Variants in CCSER1 observed in about 807,000 individuals in gnomAD.
CCSER1 encodes coiled-coil serine rich protein 1, also known as serine-rich coiled-coil domain-containing protein 1.
In CCSER1, 41 loss-of-function variants were observed where a neutral mutation model predicts 82.0. That is an observed-to-expected ratio of 0.50 (90% confidence interval 0.39 to 0.65). The LOEUF (loss-of-function observed/expected upper bound fraction) is 0.65. Among genes scored for constraint, CCSER1 ranks in the 30% least tolerant of loss-of-function variants. CCSER1 has a pLI of 0.00. For synonymous variants in CCSER1, 414 were observed against 383.9 expected (o/e 1.08, Z -0.92); for missense variants, 1,119 against 1,064.2 (o/e 1.05, Z -0.72).
chr4:90,796,989 A>T (rs1227251322), intron 7 of CCSER1, among the ~76,000 whole-genome samples: 2 of 152,094 alleles, frequency 1.3e-5, no homozygotes, highest in Non-Finnish European at 2.9e-5. Context: ...AGTTCTGTAG[A>T]TGTCTATTAG....
intron 9 of CCSER1, among the ~76,000 whole-genome samples, chr4:90,995,350 T>C (rs2150459034): frequency 6.6e-6 from 1 of 152,258 alleles, no homozygotes; most frequent in African/African-American, 2.4e-5. Flanking sequence ...CCAGAAGAAT[T>C]CACAGTAAAT....
intron 10 of CCSER1, among the ~76,000 whole-genome samples, chr4:91,272,282 G>T (rs1742096030): frequency 6.6e-6 from 1 of 152,012 alleles, no homozygotes; most frequent in Admixed American, 6.6e-5. Context: ...TTGATTTTTT[G>T]ATTATGGCCA....
chr4:91,126,328 C>G (rs1419283009), intron 10 of CCSER1, among the ~76,000 whole-genome samples: 1 of 151,826 alleles, frequency 6.6e-6, no homozygotes, highest in Non-Finnish European at 1.5e-5. Flanking sequence ...ACAAACAAGG[C>G]AAACTTAATG....
rs1310347615 is a variant in CCSER1, at chr4:91,580,498, G to T, written c.2218-18074G>T. Among the ~76,000 whole-genome samples, 3 of 151,822 alleles carry T rather than the reference G, an allele frequency of 2.0e-5. 1 individual carries two copies. Among genetic ancestry groups the T allele is most frequent in the Middle Eastern group, 6.8e-3 (2 of 294 alleles). On this transcript the variant is annotated intron_variant, in intron 10 of 10. Transcript: ENST00000509176. ...TTGGAGTGTGATGAGAGATGATATG[G>T]TTAGAAAATTGACCTGTAATATACC...
At chr4:90,274,412 G>C (rs144366711) in intron 1 of CCSER1, among the ~76,000 whole-genome samples, 1 of 151,920 alleles carries the variant, frequency 6.6e-6, no homozygotes, top group Non-Finnish European at 1.5e-5. Context: ...TTATCACTTT[G>C]TCATTTTGTT....
At chr4:91,230,926 A>C (rs958925700) in intron 10 of CCSER1, among the ~76,000 whole-genome samples, 1 of 151,886 alleles carries the variant, frequency 6.6e-6, no homozygotes, top group Admixed American at 6.6e-5. Flanking sequence ...GCAGAAATTC[A>C]AAAGAATTTT....
intron 10 of CCSER1, among the ~76,000 whole-genome samples, chr4:91,414,818 A>G (rs1318265604): frequency 1.3e-5 from 2 of 152,160 alleles, no homozygotes; most frequent in Non-Finnish European, 2.9e-5. Flanking sequence ...AGAAACAAAG[A>G]AGGTCATTAT....
In CCSER1 at chr4:91,604,794, G is replaced by A. The variant is rs966028281; in HGVS notation, c.*5737G>A. ...TCAGAAGGAATTGAAGTGAAATGAG[G>A]AATACAAATTTACTTGTCCTAAATT... is the stretch of plus-strand genomic sequence containing the variant. On this transcript the variant is annotated 3_prime_UTR_variant, in exon 11 of 11. Transcript: ENST00000509176. 6.6e-6 allele frequency: 1 copy of A among 151,734 alleles called. No individual in the cohort carries two copies. Among genetic ancestry groups the A allele is most frequent in the Non-Finnish European group, 1.5e-5 (1 of 67,854 alleles). 9.4% of individuals were successfully genotyped at this position (151,734 alleles called of 1,614,324 possible). A position where few individuals can be genotyped will look rare whatever the true frequency, so the allele number is the denominator to read the frequency against.
At chr4:91,518,633 A>G (rs1760280401) in intron 10 of CCSER1, among the ~76,000 whole-genome samples, 1 of 152,168 alleles carries the variant, frequency 6.6e-6, no homozygotes, top group Admixed American at 6.5e-5. Flanking sequence ...AAGGGCTCAC[A>G]TGGAGGAGAG....
Position 91,343,165 on chromosome 4 carries a change from T to A in CCSER1, c.2218-255407T>A, listed in dbSNP as rs566954138. 4.6e-5 allele frequency among the ~76,000 whole-genome samples: 7 copies of A among 152,156 alleles called. No individual in the cohort carries two copies. The South Asian group carries it at 1.4e-3, about 32-fold the overall frequency. ...ATAATAAAGATTAACAGTTTTTCCT[T>A]TTTGCCCAATTTCTTCTGAAATTTT... On this transcript the variant is annotated intron_variant, in intron 10 of 10. Transcript: ENST00000509176.
At chr4:90,245,338 G>A (rs1270345278) in intron 1 of CCSER1, among the ~76,000 whole-genome samples, 1 of 152,092 alleles carries the variant, frequency 6.6e-6, no homozygotes, top group African/African-American at 2.4e-5. Flanking sequence ...AATTTAGCCT[G>A]ATTTTTGTTG....
intron 10 of CCSER1, among the ~76,000 whole-genome samples, chr4:91,497,595 A>G (rs1325390866): frequency 6.6e-6 from 1 of 151,822 alleles, no homozygotes; most frequent in Non-Finnish European, 1.5e-5. Flanking sequence ...ATAATAAACA[A>G]TATTTTAAAG....
At chr4:90,771,156 C>G (rs1752095848) in intron 7 of CCSER1, among the ~76,000 whole-genome samples, 1 of 152,066 alleles carries the variant, frequency 6.6e-6, no homozygotes, top group East Asian at 1.9e-4. Context: ...AGTGCCTACA[C>G]TCTGCGAATA....
chr4:90,273,635 AC>A lies in CCSER1; in HGVS notation c.-41-34608del, dbSNP rs1727007240. Among the ~76,000 whole-genome samples the A allele has an allele frequency of 3.9e-5, 6 of 152,188 alleles. No individual in the cohort carries two copies. The South Asian group carries it at 1.2e-3, about 32-fold the overall frequency. ...GTTAATATAACATGCAAAATCACTTACTGTATGGCAGTATGTCTCGAACATA... is the reference window on the plus strand; with the variant it reads ...GTTAATATAACATGCAAAATCACTTATGTATGGCAGTATGTCTCGAACATA... On this transcript the variant is annotated intron_variant, in intron 1 of 10. Transcript: ENST00000509176.
chr4:91,121,415 A>T (rs1340383007), intron 10 of CCSER1, among the ~76,000 whole-genome samples: 1 of 151,780 alleles, frequency 6.6e-6, no homozygotes, highest in Non-Finnish European at 1.5e-5. Context: ...CTGTGTAAGG[A>T]AAAGAAGTTG....
chr4:90,448,783 TCTTCTCTC>T (rs1476082479), intron 4 of CCSER1, among the ~76,000 whole-genome samples: 1 of 152,018 alleles, frequency 6.6e-6, no homozygotes, highest in African/African-American at 2.4e-5. Flanking sequence ...GGGCTGCAGC[TCTTCTCTC>T]CTTCTCTCTT....
At position 90,709,102 on chromosome 4, in the gene CCSER1, A is replaced by G. The variant is rs191340777; in HGVS notation, c.1933-14812A>G. Among the ~76,000 whole-genome samples, 353 of 152,294 alleles carry G rather than the reference A, an allele frequency of 2.3e-3. 1 individual carries two copies. Among genetic ancestry groups the G allele is most frequent in the African/African-American group, 7.8e-3 (323 of 41,566 alleles). Reference sequence around the variant, plus strand: ...AAAATATCTAATGACAGGATTAATGAAGTTATTTTTATATGATGGAAATTT... The same window carrying G: ...AAAATATCTAATGACAGGATTAATGGAGTTATTTTTATATGATGGAAATTT... On this transcript the variant is annotated intron_variant, in intron 6 of 10. Coordinates refer to ENST00000509176, the MANE Select transcript of CCSER1 (RefSeq NM_001145065.2).
At chr4:90,523,018 C>T (rs1309241149) in intron 5 of CCSER1, among the ~76,000 whole-genome samples, 1 of 151,998 alleles carries the variant, frequency 6.6e-6, no homozygotes, top group Non-Finnish European at 1.5e-5. Context: ...TACCCCTGCT[C>T]CTACCTCTAT....
chr4:90,667,881 CAAAT>C (rs1050323849), intron 6 of CCSER1, among the ~76,000 whole-genome samples: 3 of 152,014 alleles, frequency 2.0e-5, no homozygotes, highest in East Asian at 1.9e-4. Flanking sequence ...CTATGCAAGA[CAAAT>C]AAACAGTTTT....
Sources: gnomAD v4.1 joint callset for allele counts (sites outside exome capture counted in the v4.1 genomes callset) on GRCh38, gnomAD v4.1.1 for gene constraint, MANE v1.5 for transcripts, NCBI Gene and HGNC (gene_info 2026-07-23, HGNC 2026-07-21) for gene names.